RUNX2: variants seen among roughly 807,000 people sequenced by gnomAD.
The protein encoded by RUNX2 is RUNX family transcription factor 2.
Under a neutral mutation model 51.7 loss-of-function variants are expected in RUNX2, and 10 were observed. That is an observed-to-expected ratio of 0.19 (90% confidence interval 0.12 to 0.33). The LOEUF (loss-of-function observed/expected upper bound fraction) is 0.33. Ranked by LOEUF, RUNX2 falls within the 10% of genes least tolerant of loss-of-function variation. The pLI is 1.00. For missense variants in RUNX2, 562 were observed against 691.3 expected, an observed-to-expected ratio of 0.81 and a Z score of 2.10; for synonymous variants, 276 against 273.6, an observed-to-expected ratio of 1.01 and a Z score of -0.09.
At chr6:45,344,112 C>T (rs553262216) in intron 2 of RUNX2, among the ~76,000 whole-genome samples, 2 of 152,070 alleles carry the variant, frequency 1.3e-5, no homozygotes, top group South Asian at 2.1e-4. Context: ...TCCTTTTATT[C>T]GGAGAGATAA....
intron 7 of RUNX2, among the ~76,000 whole-genome samples, chr6:45,528,889 G>A (rs1046927984): frequency 1.3e-5 from 2 of 152,210 alleles, no homozygotes; most frequent in African/African-American, 4.8e-5. Flanking sequence ...CTGAGAAATT[G>A]GGGCTTATCT....
intron 5 of RUNX2, among the ~76,000 whole-genome samples, chr6:45,488,399 A>G (rs2150405020): frequency 6.6e-6 from 1 of 152,296 alleles, no homozygotes; most frequent in East Asian, 1.9e-4. Context: ...GGGACATCCC[A>G]GGGTAGATGT....
chr6:45,496,838 C>G (rs1239601075), intron 6 of RUNX2, among the ~76,000 whole-genome samples: 1 of 152,012 alleles, frequency 6.6e-6, no homozygotes, highest in Non-Finnish European at 1.5e-5. Flanking sequence ...TACAGTAGCT[C>G]GAGAGAGTAA....
intron 2 of RUNX2, among the ~76,000 whole-genome samples, chr6:45,416,900 C>T (rs1798078641): frequency 6.6e-6 from 1 of 152,074 alleles, no homozygotes; most frequent in African/African-American, 2.4e-5. Context: ...CTGAATATGG[C>T]CCTTGGGAAT....
intron 2 of RUNX2, among the ~76,000 whole-genome samples, chr6:45,336,732 A>C (rs1029530296): frequency 6.6e-6 from 1 of 151,466 alleles, no homozygotes; most frequent in African/African-American, 2.4e-5. Context: ...TTACAAAGTA[A>C]ATACATATTA....
chr6:45,446,729 A>G (rs535620095), intron 5 of RUNX2, among the ~76,000 whole-genome samples: 54 of 152,196 alleles, frequency 3.5e-4, no homozygotes, highest in Non-Finnish European at 5.9e-4. Flanking sequence ...TATAGGATAC[A>G]TTTATGATGT....
At chr6:45,481,901 A>T (rs1013911577) in intron 5 of RUNX2, among the ~76,000 whole-genome samples, 2 of 152,216 alleles carry the variant, frequency 1.3e-5, no homozygotes, top group African/African-American at 4.8e-5. Context: ...TGAAATCTAT[A>T]TTCTCTTACA....
chr6:45,437,610 C>T (rs1798720390), intron 4 of RUNX2, among the ~76,000 whole-genome samples: 1 of 152,134 alleles, frequency 6.6e-6, no homozygotes, highest in African/African-American at 2.4e-5. Flanking sequence ...GGATGTGTTC[C>T]TGATGTTGGA....
intron 2 of RUNX2, among the ~76,000 whole-genome samples, chr6:45,366,790 T>G (rs1795210899): frequency 6.6e-6 from 1 of 152,130 alleles, no homozygotes; most frequent in Non-Finnish European, 1.5e-5. Context: ...CACCCTACAA[T>G]TTGTAAGAAG....
chr6:45,348,150 C>A (rs1256004024), intron 2 of RUNX2, among the ~76,000 whole-genome samples: 1 of 151,834 alleles, frequency 6.6e-6, no homozygotes, highest in African/African-American at 2.4e-5. Context: ...AAAAAAGGGG[C>A]ATACTTACAT....
At chr6:45,429,115 TC>T (rs1301677340) in intron 3 of RUNX2, among the ~76,000 whole-genome samples, 1 of 152,250 alleles carries the variant, frequency 6.6e-6, no homozygotes, top group Non-Finnish European at 1.5e-5. Flanking sequence ...TTGCAGACTT[TC>T]CAATTCATAT....
chr6:45,348,379 G>A (rs1466086084), intron 2 of RUNX2, among the ~76,000 whole-genome samples: 4 of 151,450 alleles, frequency 2.6e-5, no homozygotes, highest in Non-Finnish European at 5.9e-5. Context: ...TCTAAAATTT[G>A]GCAATAGCCA....
chr6:45,480,397 T>C (rs1025047282), intron 5 of RUNX2, among the ~76,000 whole-genome samples: 2 of 152,252 alleles, frequency 1.3e-5, no homozygotes, highest in African/African-American at 4.8e-5. Context: ...AGACGTCTCT[T>C]GTTTAATCAT....
chr6:45,508,324 G>A (rs553239094), intron 6 of RUNX2, among the ~76,000 whole-genome samples: 2 of 150,414 alleles, frequency 1.3e-5, no homozygotes, highest in African/African-American at 2.4e-5. Flanking sequence ...CGCCTCTTGG[G>A]TTCAAGAGAT....
intron 2 of RUNX2, among the ~76,000 whole-genome samples, chr6:45,419,441 G>T (rs562621810): frequency 6.6e-6 from 1 of 152,072 alleles, no homozygotes; most frequent in South Asian, 2.1e-4. Context: ...AAAAAAAAAG[G>T]CAGGAAAAAA....
At chr6:45,442,765 T>TAG (rs1469737158) in intron 5 of RUNX2, among the ~76,000 whole-genome samples, 1 of 152,114 alleles carries the variant, frequency 6.6e-6, no homozygotes, top group Non-Finnish European at 1.5e-5. Flanking sequence ...AGGCTTGGGG[T>TAG]CTATCATGTA....
chr6:45,546,758 T>A, intron 8 of RUNX2, 69 bp from the exon 9 acceptor site: 1 of 1,342,084 alleles, frequency 7.5e-7, no homozygotes, highest in Non-Finnish European at 1.1e-6. Context: ...TTTTTTCTTG[T>A]AACAATTCTA....
chr6:45,469,328 G>T (rs369620409), intron 5 of RUNX2, among the ~76,000 whole-genome samples: 2 of 152,088 alleles, frequency 1.3e-5, no homozygotes, highest in South Asian at 2.1e-4. Flanking sequence ...AATTTTAAAA[G>T]AATATTTGTA....
intron 6 of RUNX2, 65 bp from the exon 7 acceptor site, chr6:45,512,181 G>T: frequency 6.6e-7 from 1 of 1,521,328 alleles, no homozygotes; most frequent in Non-Finnish European, 9.0e-7. Context: ...TCTGAGTTTT[G>T]GGTTGCATGT....
Sources: allele counts gnomAD v4.1 joint callset (sites outside exome capture counted in the v4.1 genomes callset), GRCh38; gene constraint gnomAD v4.1.1; transcripts MANE v1.5; gene names NCBI Gene and HGNC (gene_info 2026-07-23, HGNC 2026-07-21).